Variants in CCSER2 observed in about 807,000 individuals in gnomAD.
CCSER2 encodes serine-rich coiled-coil domain-containing protein 2.
CCSER2 carries 46 observed loss-of-function variants against 92.3 expected under a neutral mutation model. The ratio of observed to expected loss-of-function variants is 0.50; its 90% confidence interval spans 0.39 to 0.64. The LOEUF is 0.64. Ranked by LOEUF, CCSER2 falls within the 30% of genes least tolerant of loss-of-function variation. The pLI is 0.00. For missense variants in CCSER2, 1,244 were observed against 1,238.9 expected, an observed-to-expected ratio of 1.00 and a Z score of -0.06; for synonymous variants, 433 against 431.4, an observed-to-expected ratio of 1.00 and a Z score of -0.04.
Position 84,371,991 on chromosome 10 carries a change from A to G in CCSER2, c.939A>G (p.Leu313=). 1 of 1,613,710 alleles carries G rather than the reference A, an allele frequency of 6.2e-7. No homozygotes were observed. Among genetic ancestry groups the G allele is most frequent in the Middle Eastern group, 1.6e-4 (1 of 6,062 alleles). The change falls in exon 2 of 10, where the codon TTA becomes TTG. Residue 313 remains leucine, a synonymous_variant. Transcript: ENST00000372088. ...LPNGPGVTST[L]GYRMVHPSLL... is the part of the protein sequence containing the mutation. ...ATGGCCCAGGTGTAACTTCTACTTT[A>G]GGTTATAGAATGGTTCATCCCTCTC...
intron 1 of CCSER2, among the ~76,000 whole-genome samples, chr10:84,348,485 G>T (rs1211306651): frequency 1.3e-5 from 2 of 152,122 alleles, no homozygotes; most frequent in Non-Finnish European, 2.9e-5. Flanking sequence ...GGGAGAGGGA[G>T]ACCGTGGGGA....
intron 3 of CCSER2, among the ~76,000 whole-genome samples, chr10:84,415,589 A>T (rs1393596264): frequency 6.6e-6 from 1 of 152,198 alleles, no homozygotes; most frequent in East Asian, 1.9e-4. Flanking sequence ...CACCTGTGGG[A>T]AGTGGCTGGA....
At chr10:84,367,820 AT>A (rs1171887629) in intron 1 of CCSER2, among the ~76,000 whole-genome samples, 1 of 146,554 alleles carries the variant, frequency 6.8e-6, no homozygotes, top group Non-Finnish European at 1.5e-5. Context: ...CTTTTGTTTC[AT>A]TAGATGCATG....
At chr10:84,510,060 C>T (rs1849271312) in intron 9 of CCSER2, among the ~76,000 whole-genome samples, 1 of 152,138 alleles carries the variant, frequency 6.6e-6, no homozygotes, top group South Asian at 2.1e-4. Context: ...TAAAATTCAT[C>T]TATATCTCCC....
chr10:84,379,422 C>T (rs1840772471), intron 3 of CCSER2, among the ~76,000 whole-genome samples: 1 of 151,730 alleles, frequency 6.6e-6, no homozygotes, highest in South Asian at 2.1e-4. Flanking sequence ...ATCTTTATTT[C>T]CTTTCTTCTA....
At chr10:84,420,196 T>C (rs1008194045) in intron 4 of CCSER2, among the ~76,000 whole-genome samples, 1 of 152,218 alleles carries the variant, frequency 6.6e-6, no homozygotes, top group Non-Finnish European at 1.5e-5. Flanking sequence ...TACCCAAATA[T>C]TAGATAAAAG....
At chr10:84,470,875 C>T (rs1333871893) in intron 8 of CCSER2, among the ~76,000 whole-genome samples, 1 of 151,928 alleles carries the variant, frequency 6.6e-6, no homozygotes. Context: ...AAGGGTACTC[C>T]AAGAAAATGT....
chr10:84,375,097 G>T (rs1174936990), intron 3 of CCSER2, among the ~76,000 whole-genome samples: 2 of 152,136 alleles, frequency 1.3e-5, no homozygotes, highest in Admixed American at 6.6e-5. Context: ...AATGAAAAAG[G>T]TGTCCAGCAG....
chr10:84,332,436 A>ATTTTTTTTT, intron 1 of CCSER2, among the ~76,000 whole-genome samples: 13 of 55,204 alleles, frequency 2.4e-4, no homozygotes, highest in Admixed American at 3.6e-4. Flanking sequence ...ATATATATAT[A>ATTTTTTTTT]TTTTTTTTTT....
intron 8 of CCSER2, among the ~76,000 whole-genome samples, chr10:84,474,470 G>A (rs1847009678): frequency 6.6e-6 from 1 of 152,044 alleles, no homozygotes; most frequent in Admixed American, 6.6e-5. Flanking sequence ...AGACCAGCCT[G>A]GCCAACATGG....
intron 3 of CCSER2, among the ~76,000 whole-genome samples, chr10:84,406,469 T>C (rs1564633991): frequency 6.6e-6 from 1 of 152,184 alleles, no homozygotes; most frequent in African/African-American, 2.4e-5. Flanking sequence ...GGAGGAGATA[T>C]GTGTGAAGGA....
chr10:84,489,255 C>T lies in CCSER2; in HGVS notation c.2325+11591C>T, dbSNP rs182207327. Among the ~76,000 whole-genome samples, 699 of 152,102 alleles carry T rather than the reference C, an allele frequency of 4.6e-3. 12 individuals carry two copies. The highest frequency in any genetic ancestry group is 0.031 in the East Asian group (161 of 5,174). On this transcript the variant is annotated intron_variant, in intron 9 of 9. Coordinates refer to ENST00000372088, the MANE Select transcript of CCSER2 (RefSeq NM_001284240.2). ...GAGTTCTGTAGATGTCTGTTAGGTCCGCTTGGTGCAGAGCTGAGTTCAATT... is the reference window on the plus strand; with the variant it reads ...GAGTTCTGTAGATGTCTGTTAGGTCTGCTTGGTGCAGAGCTGAGTTCAATT...
At chr10:84,424,136 AT>A (rs1396909994) in intron 4 of CCSER2, among the ~76,000 whole-genome samples, 1 of 152,132 alleles carries the variant, frequency 6.6e-6, no homozygotes, top group African/African-American at 2.4e-5. Context: ...TGGGTGACAG[AT>A]TGAGAACCTG....
chr10:84,347,166 C>T (rs1459709496), intron 1 of CCSER2, among the ~76,000 whole-genome samples: 1 of 152,236 alleles, frequency 6.6e-6, no homozygotes, highest in Non-Finnish European at 1.5e-5. Flanking sequence ...AATGAAGTCT[C>T]CCATGTCTAC....
intron 8 of CCSER2, among the ~76,000 whole-genome samples, chr10:84,476,467 T>C (rs1210379385): frequency 9.9e-5 from 11 of 110,758 alleles, no homozygotes; most frequent in African/African-American, 3.5e-4. Context: ...TTTTTTGAAA[T>C]GGTGTCTCCC....
intron 9 of CCSER2, among the ~76,000 whole-genome samples, chr10:84,493,524 G>A (rs759529147): frequency 2.6e-5 from 4 of 152,256 alleles, no homozygotes; most frequent in Non-Finnish European, 5.9e-5. Flanking sequence ...CATAGACAGA[G>A]CCCTGAGGGC....
intron 7 of CCSER2, among the ~76,000 whole-genome samples, chr10:84,464,862 C>A (rs532138319): frequency 2.0e-5 from 3 of 152,184 alleles, no homozygotes; most frequent in East Asian, 3.9e-4. Flanking sequence ...CAAAACAATT[C>A]AAGGGGCCAG....
chr10:84,341,194 G>A (rs1286466040), intron 1 of CCSER2, among the ~76,000 whole-genome samples: 1 of 151,546 alleles, frequency 6.6e-6, no homozygotes, highest in Non-Finnish European at 1.5e-5. Context: ...ACCATGCCCA[G>A]CTAATTTTTA....
In CCSER2 at chr10:84,371,543, C is replaced by T. The variant is rs781281606; in HGVS notation, c.491C>T (p.Ser164Phe). 2 of 1,613,672 alleles carry T rather than the reference C, an allele frequency of 1.2e-6. No individual in the cohort carries two copies. The highest frequency in any genetic ancestry group is 1.7e-6 in the Non-Finnish European group (2 of 1,179,762). Residue 164 changes from serine to phenylalanine, a missense_variant, in exon 2 of 10, where the codon TCT (serine) becomes TTT (phenylalanine). By Grantham distance (155) the Ser-to-Phe change is radical. Coordinates refer to ENST00000372088, the MANE Select transcript of CCSER2 (RefSeq NM_001284240.2). ...ACATTATTAGGAAGGACTTCATATT[C>T]TTCGATCAATACTCCAAAATCACAG... Reference protein sequence around the residue: ...KGTLLGRTSYSSINTPKSQLN... With the variant: ...KGTLLGRTSYFSINTPKSQLN...
Sources: gnomAD v4.1 joint callset for allele counts (sites outside exome capture counted in the v4.1 genomes callset) on GRCh38, gnomAD v4.1.1 for gene constraint, MANE v1.5 for transcripts, NCBI Gene and HGNC (gene_info 2026-07-23, HGNC 2026-07-21) for gene names.